The following TCF7L2 variants were observed in gnomAD, a reference collection of about 807,000 sequenced individuals.
TCF7L2 encodes transcription factor 7-like 2.
A neutral mutation model predicts 77.9 loss-of-function variants in TCF7L2; 23 were observed. The observed-to-expected ratio is 0.30, with a 90% CI of 0.21 to 0.42. TCF7L2 has a LOEUF of 0.42. Ranked by LOEUF, TCF7L2 falls within the 10% of genes least tolerant of loss-of-function variation. The probability of loss-of-function intolerance (pLI) is 1.00; values close to 1 mark genes in which losing one functional copy is unlikely to be tolerated. For synonymous variants in TCF7L2, 413 were observed against 340.2 expected, an observed-to-expected ratio of 1.21 and a Z score of -2.36; for missense variants, 654 against 793.1, an observed-to-expected ratio of 0.82 and a Z score of 2.11.
intron 4 of TCF7L2, among the ~76,000 whole-genome samples, chr10:113,032,420 G>A (rs981881238): frequency 6.6e-6 from 1 of 152,194 alleles, no homozygotes; most frequent in African/African-American, 2.4e-5. Flanking sequence ...CATCACACCA[G>A]GGGCCTCCTT....
Position 113,166,313 on chromosome 10 carries a change from A to C in TCF7L2, c.*341A>C. The C allele has an allele frequency of 4.1e-6, 1 of 245,264 alleles. No homozygotes were observed. The highest frequency in any genetic ancestry group is 6.0e-5 in the East Asian group (1 of 16,630). The allele number at this position is 245,264 out of a possible 1,614,324, so 15.2% of individuals were successfully genotyped here. A position where few individuals can be genotyped will look rare whatever the true frequency, so the allele number is the denominator to read the frequency against. On this transcript the variant is annotated 3_prime_UTR_variant, in exon 14 of 14. Transcript: ENST00000627217. ...TTTAAAAGACTGATTAAAAAACAAA[A>C]AGAAAAAAAAAGCAATTTTGAAGCA... is the stretch of plus-strand genomic sequence containing the variant.
rs1256854994 is a variant in TCF7L2 at position 113,024,676 on chromosome 10, G to A, written c.451-15349G>A. On this transcript the variant is annotated intron_variant, in intron 4 of 13. Transcript: ENST00000627217. ...CGCTTGTTCCCCAGGCTGGAATGCA[G>A]TGGTGTGATCTCGGCTCACTGCAAC... Among the ~76,000 whole-genome samples the A allele has an allele frequency of 2.1e-5, 3 of 143,130 alleles. No homozygotes were observed. In the East Asian group the frequency reaches 6.1e-4, roughly 29 times the overall value. The allele number at this position is 143,130 out of a possible 152,430, so 93.9% of individuals were successfully genotyped here.
At chr10:113,016,481 C>T (rs931507875) in intron 4 of TCF7L2, among the ~76,000 whole-genome samples, 1 of 152,172 alleles carries the variant, frequency 6.6e-6, no homozygotes, top group East Asian at 1.9e-4. Flanking sequence ...TCCTTTCTAT[C>T]GCAGCATGTT....
intron 4 of TCF7L2, among the ~76,000 whole-genome samples, chr10:113,026,541 G>T (rs186719258): frequency 6.6e-6 from 1 of 152,180 alleles, no homozygotes; most frequent in Non-Finnish European, 1.5e-5. Flanking sequence ...AGTTAGGTCC[G>T]TCTGTAAGAG....
At chr10:113,058,350 G>C (rs573954718) in intron 5 of TCF7L2, among the ~76,000 whole-genome samples, 1 of 152,194 alleles carries the variant, frequency 6.6e-6, no homozygotes, top group Admixed American at 6.5e-5. Flanking sequence ...GAGATGAAGA[G>C]GGGGTGGGGA....
intron 4 of TCF7L2, chr10:112,987,890 A>G (rs1373658793): frequency 6.6e-6 from 1 of 150,792 alleles, no homozygotes; most frequent in Non-Finnish European, 1.5e-5. Context: ...ATGAAAAAAT[A>G]AATAAATAAA....
intron 5 of TCF7L2, among the ~76,000 whole-genome samples, chr10:113,087,716 G>C (rs2059974211): frequency 6.6e-6 from 1 of 152,150 alleles, no homozygotes; most frequent in Non-Finnish European, 1.5e-5. Flanking sequence ...CTGGTTGGTG[G>C]CTCTCAAAAT....
chr10:112,958,516 C>A (rs542066526), intron 3 of TCF7L2, among the ~76,000 whole-genome samples: 1 of 152,068 alleles, frequency 6.6e-6, no homozygotes, highest in South Asian at 2.1e-4. Context: ...GGAGCTAAGA[C>A]CTCTCCCATC....
chr10:113,146,812 G>A (rs1017666495), intron 8 of TCF7L2, among the ~76,000 whole-genome samples: 2 of 151,880 alleles, frequency 1.3e-5, no homozygotes, highest in Non-Finnish European at 2.9e-5. Flanking sequence ...GCACTTCTCA[G>A]TTTAGACTGG....
intron 5 of TCF7L2, among the ~76,000 whole-genome samples, chr10:113,099,941 A>ATTT (rs2061448845): frequency 6.6e-6 from 1 of 152,138 alleles, no homozygotes; most frequent in Non-Finnish European, 1.5e-5. Flanking sequence ...GGATCAGGAA[A>ATTT]AAGCAAAAAC....
At chr10:113,094,746 C>G (rs1446805459) in intron 5 of TCF7L2, among the ~76,000 whole-genome samples, 4 of 152,210 alleles carry the variant, frequency 2.6e-5, no homozygotes, top group Non-Finnish European at 5.9e-5. Context: ...GCCACAAAAA[C>G]TGTGAAAGTA....
At chr10:113,163,334 A>T (rs1007436098) in intron 13 of TCF7L2, among the ~76,000 whole-genome samples, 3 of 152,160 alleles carry the variant, frequency 2.0e-5, no homozygotes, top group Non-Finnish European at 4.4e-5. Context: ...GAGCCCACCA[A>T]GTTGCTTTTC....
intron 4 of TCF7L2, among the ~76,000 whole-genome samples, chr10:113,018,356 C>T (rs2047688595): frequency 6.7e-6 from 1 of 149,330 alleles, no homozygotes; most frequent in Non-Finnish European, 1.5e-5. Context: ...TGTGAGTGGT[C>T]TTCTCAGGCC....
At chr10:112,978,568 C>T (rs1000786467) in intron 4 of TCF7L2, among the ~76,000 whole-genome samples, 2 of 150,770 alleles carry the variant, frequency 1.3e-5, no homozygotes, top group East Asian at 1.9e-4. Context: ...TGGGTTCATG[C>T]GATTCTCCTG....
intron 4 of TCF7L2, among the ~76,000 whole-genome samples, chr10:113,016,033 T>C (rs2047281072): frequency 6.6e-6 from 1 of 151,644 alleles, no homozygotes; most frequent in African/African-American, 2.4e-5. Flanking sequence ...ACTAAAGTAC[T>C]GTATTGCTAG....
intron 5 of TCF7L2, among the ~76,000 whole-genome samples, chr10:113,118,106 C>T (rs995570202): frequency 6.6e-6 from 1 of 152,086 alleles, no homozygotes; most frequent in East Asian, 1.9e-4. Flanking sequence ...GCCCAGCAGA[C>T]GGGGTCGAGA....
chr10:113,058,552 C>T (rs2055814581), intron 5 of TCF7L2, among the ~76,000 whole-genome samples: 1 of 152,112 alleles, frequency 6.6e-6, no homozygotes, highest in Non-Finnish European at 1.5e-5. Flanking sequence ...AGCCCCAGCC[C>T]CTTCCTTTTG....
At chr10:113,127,897 G>C (rs2065920146) in intron 5 of TCF7L2, among the ~76,000 whole-genome samples, 1 of 107,630 alleles carries the variant, frequency 9.3e-6, no homozygotes, top group Non-Finnish European at 1.9e-5. Flanking sequence ...TCCATTTTTC[G>C]GTCTTTTGAG....
intron 5 of TCF7L2, among the ~76,000 whole-genome samples, chr10:113,114,538 C>T (rs2063500450): frequency 6.6e-6 from 1 of 152,030 alleles, no homozygotes; most frequent in African/African-American, 2.4e-5. Context: ...GGAGTTTTGT[C>T]ATTTCTAATG....
Sources: gnomAD v4.1 joint callset for allele counts (sites outside exome capture counted in the v4.1 genomes callset) on GRCh38, gnomAD v4.1.1 for gene constraint, MANE v1.5 for transcripts, NCBI Gene and HGNC (gene_info 2026-07-23, HGNC 2026-07-21) for gene names.